NCKAP5L: variants seen among roughly 807,000 people sequenced by gnomAD.
NCKAP5L encodes NCK associated protein 5 like.
Under a neutral mutation model 103.2 loss-of-function variants are expected in NCKAP5L, and 54 were observed. That is an observed-to-expected ratio of 0.52 (90% CI 0.42 to 0.66). NCKAP5L has a LOEUF of 0.66. Among genes scored for constraint, NCKAP5L ranks in the 30% least tolerant of loss-of-function variants. The pLI, the probability that NCKAP5L is intolerant of heterozygous loss-of-function variation, is 0.00. For missense variants in NCKAP5L, 1,733 were observed against 1,750.6 expected, an observed-to-expected ratio of 0.99 and a Z score of 0.18; for synonymous variants, 762 against 748.6, an observed-to-expected ratio of 1.02 and a Z score of -0.29.
intron 1 of NCKAP5L, among the ~76,000 whole-genome samples, chr12:49,812,276 C>A (rs925443988): frequency 6.6e-6 from 1 of 152,182 alleles, no homozygotes; most frequent in Non-Finnish European, 1.5e-5. Flanking sequence ...TGAATTCAAT[C>A]ATATCATTGG....
intron 6 of NCKAP5L, among the ~76,000 whole-genome samples, chr12:49,801,308 T>C (rs1946115366): frequency 6.6e-6 from 1 of 152,192 alleles, no homozygotes; most frequent in Non-Finnish European, 1.5e-5. Context: ...TACCCCATCC[T>C]TGGGGGTTCC....
chr12:49,818,196 T>TA (rs2137036350), intron 1 of NCKAP5L, among the ~76,000 whole-genome samples: 1 of 147,440 alleles, frequency 6.8e-6, no homozygotes, highest in South Asian at 2.1e-4. Context: ...TAGGAGAAAA[T>TA]AAAATACAGG....
intron 1 of NCKAP5L, among the ~76,000 whole-genome samples, chr12:49,825,730 A>T (rs1240350033): frequency 6.6e-6 from 1 of 152,186 alleles, no homozygotes; most frequent in Non-Finnish European, 1.5e-5. Flanking sequence ...CTTCATAGGC[A>T]GCAGGGCCCA....
chr12:49,796,126 T>C lies in NCKAP5L; in HGVS notation c.1734A>G (p.Pro578=), dbSNP rs1285675392. The C allele has an allele frequency of 6.2e-7, 1 of 1,610,828 alleles. No homozygotes were observed. The highest frequency in any genetic ancestry group is 1.1e-5 in the South Asian group (1 of 90,760). Residue 578 remains proline, a synonymous_variant, in exon 8 of 13, where the codon CCA becomes CCG. Transcript: ENST00000335999. ...GCTGTGGGTAGGTGGGCACCTGCAG[T>C]GGGGATGGAGGTGGCTCTGGGGAAG... ...RGPSPEPPPS[P]LQVPTYPQLT...
At chr12:49,807,257 G>GTT (rs1946191016) in intron 1 of NCKAP5L, among the ~76,000 whole-genome samples, 1 of 152,108 alleles carries the variant, frequency 6.6e-6, no homozygotes, top group Admixed American at 6.5e-5. Context: ...GTGTGTGTGT[G>GTT]TGTGTGTGTG....
rs1189208089 is a variant in NCKAP5L, at chr12:49,796,239, C to A, written c.1621G>T (p.Ala541Ser). Residue 541 changes from alanine to serine, a missense_variant, in exon 8 of 13, where the codon GCC (alanine) becomes TCC (serine). Physicochemically the swap from Ala to Ser is moderately conservative, Grantham distance 99. Transcript: ENST00000335999. ...DSTQLRPPQS[A>S]LSTTLSPGPV... Reference sequence around the variant, plus strand: ...CCTGGGGACAGCGTGGTGGACAAGGCTGACTGCGGGGGTCTGAGCTGTGTG... The same window carrying A: ...CCTGGGGACAGCGTGGTGGACAAGGATGACTGCGGGGGTCTGAGCTGTGTG... 2.5e-6 allele frequency: 4 copies of A among 1,576,932 alleles called. No homozygotes were observed. The South Asian group carries it at 3.6e-5, about 14-fold the overall frequency.
rs774419799 is a variant in NCKAP5L at position 49,792,804 on chromosome 12, T to A, written c.3523A>T (p.Thr1175Ser). 6.3e-7 allele frequency: 1 copy of A among 1,589,584 alleles called. No individual in the cohort carries two copies. The highest frequency in any genetic ancestry group is 8.5e-7 in the Non-Finnish European group (1 of 1,170,336). Residue 1175 changes from threonine to serine, a missense_variant, in exon 11 of 13, where the codon ACA becomes TCA. Coordinates refer to ENST00000335999, the MANE Select transcript of NCKAP5L (RefSeq NM_001037806.4). The surrounding 1 kb of genome is among the most constrained non-coding windows in gnomAD (Gnocchi z 4.5). ...PLTKVPRRAHTLEREVPGIEE... is the reference protein window; with the variant it reads ...PLTKVPRRAHSLEREVPGIEE... Reference sequence around the variant, plus strand: ...ATGCCTGGCACCTCCCGCTCCAGTGTGTGGGCGCGGCGGGGGACTTTGGTA... The same window carrying A: ...ATGCCTGGCACCTCCCGCTCCAGTGAGTGGGCGCGGCGGGGGACTTTGGTA...
intron 1 of NCKAP5L, among the ~76,000 whole-genome samples, chr12:49,816,799 A>T (rs1459581326): frequency 1.8e-5 from 1 of 56,124 alleles, no homozygotes; most frequent in Non-Finnish European, 3.8e-5. Context: ...TCTGTCTCAT[A>T]AAAAAAAAAA....
At position 49,792,430 on chromosome 12, in the gene NCKAP5L, C is replaced by A; in HGVS notation, c.3792+16G>T. ...TGCTCCCGAGTCCTTTCCCTTTCCTCTGCTGCAATTCTCACCATGGGGGTC... is the reference window on the plus strand; with the variant it reads ...TGCTCCCGAGTCCTTTCCCTTTCCTATGCTGCAATTCTCACCATGGGGGTC... On this transcript the variant is annotated intron_variant, in intron 12 of 12. Transcript: ENST00000335999. This position sits in a 1 kb window ranked among gnomAD's most constrained non-coding sequence, Gnocchi z 4.5. The A allele has an allele frequency of 1.2e-6, 2 of 1,613,170 alleles. No homozygotes were observed. The highest frequency in any genetic ancestry group is 1.7e-6 in the Non-Finnish European group (2 of 1,179,572).
chr12:49,793,058 G>A lies in NCKAP5L; in HGVS notation c.3341-72C>T, dbSNP rs574078816. On this transcript the variant is annotated intron_variant, in intron 10 of 12. Coordinates refer to ENST00000335999, the MANE Select transcript of NCKAP5L (RefSeq NM_001037806.4). Reference sequence around the variant, plus strand: ...AGTCCCCGGCCTGCCTCCACTTCCCGCCCAGCCCAGGCTCCACCCTTACTC... The same window carrying A: ...AGTCCCCGGCCTGCCTCCACTTCCCACCCAGCCCAGGCTCCACCCTTACTC... 5.9e-4 allele frequency: 721 copies of A among 1,223,364 alleles called. 6 individuals carry two copies. The African/African-American group carries it at 8.5e-3, about 14-fold the overall frequency. 75.8% of individuals were successfully genotyped at this position (1,223,364 alleles called of 1,614,324 possible). A position where few individuals can be genotyped will look rare whatever the true frequency, so the allele number is the denominator to read the frequency against.
chr12:49,828,187 A>G (rs1946443780), intron 1 of NCKAP5L, 135 bp downstream of exon 1: 1 of 151,978 alleles, frequency 6.6e-6, no homozygotes, highest in Non-Finnish European at 1.5e-5. Flanking sequence ...TTTGGGCAGG[A>G]AGCCGCGACG....
In NCKAP5L at chr12:49,795,299, C is replaced by T. The variant is rs1565585846; in HGVS notation, c.2561G>A (p.Gly854Asp). 1 of 1,529,216 alleles carries T rather than the reference C, an allele frequency of 6.5e-7. No homozygotes were observed. The highest frequency in any genetic ancestry group is 8.8e-7 in the Non-Finnish European group (1 of 1,141,016). 94.7% of individuals were successfully genotyped at this position (1,529,216 alleles called of 1,614,324 possible). A position where few individuals can be genotyped will look rare whatever the true frequency, so the allele number is the denominator to read the frequency against. ...GGGTGTGGACTGGGCCGTGGTACTACCACAGTCTGCCCAGGGAGGGCCCTT... is the reference window on the plus strand; with the variant it reads ...GGGTGTGGACTGGGCCGTGGTACTATCACAGTCTGCCCAGGGAGGGCCCTT... ...KGKGPPWADC[G>D]STTAQSTPLV... The change falls in exon 8 of 13, where the codon GGT (glycine) becomes GAT (aspartate). Residue 854 changes from glycine (G) to aspartate (D), a missense_variant. Gly to Asp is a moderately conservative substitution (Grantham distance 94). Transcript: ENST00000335999.
In NCKAP5L at chr12:49,795,251, G is replaced by C. The variant is rs1480954111; in HGVS notation, c.2609C>G (p.Pro870Arg). The change falls in exon 8 of 13, where the codon CCA (proline) becomes CGA (arginine). Residue 870 changes from proline to arginine, a missense_variant. By Grantham distance (103) the Pro-to-Arg change is moderately radical (BLOSUM62 -2). Coordinates refer to ENST00000335999, the MANE Select transcript of NCKAP5L (RefSeq NM_001037806.4). ...STPLVPGPTD[P>R]SQGPEGLAPH... ...GGCCAGCCCCTCAGGGCCCTGACTT[G>C]GGTCAGTGGGGCCAGGTACTAGGGG... 6.5e-7 allele frequency: 1 copy of C among 1,545,790 alleles called. No homozygotes were observed. The highest frequency in any genetic ancestry group is 8.7e-7 in the Non-Finnish European group (1 of 1,147,478).
At chr12:49,808,922 C>G (rs114225221) in intron 1 of NCKAP5L, among the ~76,000 whole-genome samples, 3,307 of 152,208 alleles carry the variant, frequency 0.022, 98 homozygotes, top group East Asian at 0.13. Context: ...GGAGGCTTCT[C>G]CCGCCGGAAT....
At chr12:49,801,464 C>T (rs1371119779) in intron 6 of NCKAP5L, among the ~76,000 whole-genome samples, 2 of 152,176 alleles carry the variant, frequency 1.3e-5, no homozygotes, top group African/African-American at 4.8e-5. Flanking sequence ...CTTTCCTGAC[C>T]TCTCTGTGAC....
chr12:49,816,224 G>A (rs988510340), intron 1 of NCKAP5L, among the ~76,000 whole-genome samples: 2 of 152,038 alleles, frequency 1.3e-5, no homozygotes, highest in African/African-American at 4.8e-5. Context: ...TCCCTGCCAC[G>A]CCCTCTGCCA....
At position 49,797,183 on chromosome 12, in the gene NCKAP5L, T is replaced by C; in HGVS notation, c.677A>G (p.Asn226Ser). Residue 226 changes from asparagine to serine, a missense_variant, in exon 8 of 13, where the codon AAC becomes AGC. Transcript: ENST00000335999. This position sits in a 1 kb window ranked among gnomAD's most constrained non-coding sequence, Gnocchi z 4.5. ...GQGPGSPEPI[N>S]GELCGPPQPE... ...CTGAGGCGGGCCACACAGCTCGCCG[T>C]TGATGGGCTCTGGGGAGCCAGGCCC... 6.2e-7 allele frequency: 1 copy of C among 1,612,382 alleles called. No individual in the cohort carries two copies. Among genetic ancestry groups the C allele is most frequent in the Non-Finnish European group, 8.5e-7 (1 of 1,179,474 alleles).
At chr12:49,824,395 G>T (rs1946393877) in intron 1 of NCKAP5L, among the ~76,000 whole-genome samples, 1 of 152,222 alleles carries the variant, frequency 6.6e-6, no homozygotes. Context: ...CAAGAAATGG[G>T]GAAGACTGCT....
chr12:49,823,987 G>C (rs563650888), intron 1 of NCKAP5L, among the ~76,000 whole-genome samples: 11 of 152,302 alleles, frequency 7.2e-5, no homozygotes, highest in Admixed American at 6.5e-4. Flanking sequence ...GCTGGGCGGT[G>C]GGGGGTGAGG....
Sources: gnomAD v4.1 joint callset for allele counts (sites outside exome capture counted in the v4.1 genomes callset) on GRCh38, gnomAD v4.1.1 for gene constraint, Gnocchi (gnomAD v3.1) non-coding constraint, MANE v1.5 for transcripts, NCBI Gene and HGNC (gene_info 2026-07-23, HGNC 2026-07-21) for gene names.